UBXN11: variants seen among roughly 807,000 people sequenced by gnomAD.
UBXN11 encodes UBX domain protein 11, also known as UBX domain-containing protein 11.
UBXN11 carries 47 observed loss-of-function variants against 62.8 expected under a neutral mutation model. The observed-to-expected ratio is 0.75, with a 90% CI of 0.59 to 0.95. The LOEUF (loss-of-function observed/expected upper bound fraction) is 0.95. UBXN11 is among the 40% of genes least tolerant of loss of function. The pLI is 0.00. For synonymous variants in UBXN11, 294 were observed against 267.0 expected, an observed-to-expected ratio of 1.10 and a Z score of -0.99; for missense variants, 638 against 661.7, an observed-to-expected ratio of 0.96 and a Z score of 0.39.
At chr1:26,289,685 C>T (rs2073212870) in intron 8 of UBXN11, among the ~76,000 whole-genome samples, 1 of 152,178 alleles carries the variant, frequency 6.6e-6, no homozygotes, top group African/African-American at 2.4e-5. Flanking sequence ...CGGCAAATGG[C>T]GACAATGGCA....
At chr1:26,293,499 G>A (rs1022627858) in intron 8 of UBXN11, among the ~76,000 whole-genome samples, 9 of 151,860 alleles carry the variant, frequency 5.9e-5, no homozygotes, top group African/African-American at 1.5e-4. Context: ...AGGCCAAGGT[G>A]GGCAGATCAC....
intron 1 of UBXN11, among the ~76,000 whole-genome samples, chr1:26,305,449 A>T (rs113140214): frequency 1.1e-4 from 17 of 152,252 alleles, no homozygotes; most frequent in African/African-American, 3.9e-4. Flanking sequence ...TCGTCAGCCT[A>T]AACAAACCCT....
At chr1:26,297,577 G>A (rs2073424215) in intron 5 of UBXN11, 96 bp from the exon 6 acceptor site, 2 of 1,374,008 alleles carry the variant, frequency 1.5e-6, no homozygotes, top group South Asian at 1.5e-5. Flanking sequence ...TGGATGCTGG[G>A]GAGCAGCAAG....
Position 26,282,564 on chromosome 1 carries a change from A to G in UBXN11, c.1298T>C (p.Met433Thr), listed in dbSNP as rs761538125. 6.2e-7 allele frequency: 1 copy of G among 1,601,272 alleles called. No individual in the cohort carries two copies. Among genetic ancestry groups the G allele is most frequent in the Non-Finnish European group, 8.5e-7 (1 of 1,170,942 alleles). Residue 433 changes from methionine to threonine, a missense_variant, in exon 15 of 15, where the codon ATG becomes ACG. Met to Thr is a moderately conservative substitution (Grantham distance 81). Transcript: ENST00000374222. Reference sequence around the variant, plus strand: ...GAAGATCTCAAAGGCAGAGGCATCCATGACCCTGGGGACCAGGCAGAGCAG... The same window carrying G: ...GAAGATCTCAAAGGCAGAGGCATCCGTGACCCTGGGGACCAGGCAGAGCAG... ...VRALLAQARV[M>T]DASAFEIFST...
Position 26,285,319 on chromosome 1 carries a change from A to C in UBXN11, c.852+145T>G, listed in dbSNP as rs1415540427. 2.7e-6 allele frequency: 4 copies of C among 1,481,810 alleles called. No homozygotes were observed. In the East Asian group the frequency reaches 1.0e-4, roughly 39 times the overall value. The allele number at this position is 1,481,810 out of a possible 1,614,324, so 91.8% of individuals were successfully genotyped here. ...TCCGCTCCCTTCCCAGCCCGGCTTC[A>C]GACTTATCCTCCTGGAGGGCATCAG... On this transcript the variant is annotated intron_variant, in intron 10 of 14. Transcript: ENST00000374222.
At chr1:26,302,119 C>T (rs2073552137) in intron 2 of UBXN11, among the ~76,000 whole-genome samples, 1 of 152,108 alleles carries the variant, frequency 6.6e-6, no homozygotes. Flanking sequence ...AATTCCAGCA[C>T]TTTGGGAGGC....
chr1:26,313,438 C>G (rs1332165336), intron 1 of UBXN11, among the ~76,000 whole-genome samples: 2 of 152,148 alleles, frequency 1.3e-5, no homozygotes, highest in Non-Finnish European at 2.9e-5. Flanking sequence ...TTCTTCTTCT[C>G]ACATTACCCC....
At chr1:26,315,283 C>T (rs1283765410) in intron 1 of UBXN11, among the ~76,000 whole-genome samples, 1 of 152,194 alleles carries the variant, frequency 6.6e-6, no homozygotes, top group Non-Finnish European at 1.5e-5. Flanking sequence ...GAAACTATAA[C>T]ACGGCTGGCC....
intron 2 of UBXN11, 142 bp from the exon 3 acceptor site, chr1:26,301,864 C>T: frequency 8.8e-7 from 1 of 1,139,190 alleles, no homozygotes; most frequent in Non-Finnish European, 1.2e-6. Flanking sequence ...ACTTCCAGCC[C>T]CAAATCCCAG....
intron 8 of UBXN11, among the ~76,000 whole-genome samples, chr1:26,292,768 C>T (rs1218286156): frequency 2.6e-5 from 4 of 151,778 alleles, no homozygotes; most frequent in African/African-American, 9.7e-5. Context: ...GCAGGAGAAT[C>T]GCTTGAACCC....
At chr1:26,310,915 G>A (rs759017193), upstream of UBXN11, among the ~76,000 whole-genome samples, 2 of 151,828 alleles carry the variant, frequency 1.3e-5, no homozygotes, top group African/African-American at 4.8e-5. Flanking sequence ...AGACCCATCC[G>A]ACCACTTCCA....
chr1:26,284,316 T>C (rs12725812), intron 11 of UBXN11, 46 bp downstream of exon 11: 1 of 1,613,346 alleles, frequency 6.2e-7, no homozygotes, highest in Non-Finnish European at 8.5e-7. Context: ...TGGAGTTTGT[T>C]CTGCAGTCCC....
intron 8 of UBXN11, among the ~76,000 whole-genome samples, chr1:26,286,800 G>A (rs1187968175): frequency 6.6e-6 from 1 of 152,132 alleles, no homozygotes; most frequent in African/African-American, 2.4e-5. Context: ...CTGGGTTCAA[G>A]CGATTCTCCT....
At position 26,285,969 on chromosome 1, in the gene UBXN11, GCTCA is replaced by G. The variant is rs746801818; in HGVS notation, c.624_627del (p.Glu209TrpfsTer3). 41 of 1,613,128 alleles carry G rather than the reference GCTCA, an allele frequency of 2.5e-5. No individual in the cohort carries two copies. In the African/African-American group the frequency reaches 5.1e-4, roughly 20 times the overall value. On this transcript the variant is annotated frameshift_variant, in exon 9 of 15. Transcript: ENST00000374222. LOFTEE classifies it high-confidence loss of function. ...ACTTGGGTGTCACCCTCTACCACCA[GCTCA>G]CTAAGATCCTGCAGGCTGGCCAGCA...
rs1557677562 is a variant in UBXN11, at chr1:26,282,371, G to GGGACCGGGACTGGGGCCGGGACCA, written c.1490_1491insTGGTCCCGGCCCCAGTCCCGGTCC (p.Gly504_Pro511dup). On this transcript the variant is annotated inframe_insertion, in exon 15 of 15. Transcript: ENST00000374222. Reference sequence around the variant, plus strand: ...CGGGACCGGGACTGGGGCCGGGACCGGGACCGGGACTGGGGCCGGGACCGG... The same window carrying GGGACCGGGACTGGGGCCGGGACCA: ...CGGGACCGGGACTGGGGCCGGGACCGGGACCGGGACTGGGGCCGGGACCAGGACCGGGACTGGGGCCGGGACCGG... 1 of 575,168 alleles carries GGGACCGGGACTGGGGCCGGGACCA rather than the reference G, an allele frequency of 1.7e-6. No individual in the cohort carries two copies. Among genetic ancestry groups the GGGACCGGGACTGGGGCCGGGACCA allele is most frequent in the Non-Finnish European group, 2.4e-6 (1 of 421,320 alleles). 35.6% of individuals were successfully genotyped at this position (575,168 alleles called of 1,614,324 possible).
intron 8 of UBXN11, among the ~76,000 whole-genome samples, chr1:26,290,639 G>C (rs866459159): frequency 1.3e-5 from 2 of 152,122 alleles, no homozygotes; most frequent in African/African-American, 2.4e-5. Context: ...GCGGAGTCAG[G>C]GGGCCTCCAA....
rs11579630 is a variant in UBXN11 at position 26,285,806 on chromosome 1, C to T, written c.774+17G>A. On this transcript the variant is annotated intron_variant, in intron 9 of 14. Coordinates refer to ENST00000374222, the MANE Select transcript of UBXN11 (RefSeq NM_001389556.1). ...GCAGGGGCACTAGAGCACCACCCCCCCCAACACCGCTCCTACCTGTGTGGA... is the reference window on the plus strand; with the variant it reads ...GCAGGGGCACTAGAGCACCACCCCCTCCAACACCGCTCCTACCTGTGTGGA... 14 of 1,579,598 alleles carry T rather than the reference C, an allele frequency of 8.9e-6. No homozygotes were observed. The highest frequency in any genetic ancestry group is 7.9e-5 in the South Asian group (7 of 88,702).
In UBXN11 at chr1:26,282,802, G is replaced by A. The variant is rs779159321; in HGVS notation, c.1152-13C>T. On this transcript the variant is annotated splice_polypyrimidine_tract_variant and intron_variant, in intron 13 of 14. Transcript: ENST00000374222. ...TGACTCCTGGCTCCTGCACAGCCCA[G>A]AGGCCATCAGCACGCGGTGACCCAA... 1 of 1,614,142 alleles carries A rather than the reference G, an allele frequency of 6.2e-7. No individual in the cohort carries two copies. The highest frequency in any genetic ancestry group is 1.1e-5 in the South Asian group (1 of 91,088).
intron 8 of UBXN11, among the ~76,000 whole-genome samples, chr1:26,288,190 A>G (rs971775793): frequency 1.3e-5 from 2 of 152,200 alleles, no homozygotes; most frequent in African/African-American, 4.8e-5. Flanking sequence ...CAGACCAGAC[A>G]GAGCCAGGAA....
Sources: allele counts gnomAD v4.1 joint callset (sites outside exome capture counted in the v4.1 genomes callset), GRCh38; gene constraint gnomAD v4.1.1; transcripts MANE v1.5; gene names NCBI Gene and HGNC (gene_info 2026-07-23, HGNC 2026-07-21).